The following CHRM3 variants were observed in gnomAD, a reference collection of about 807,000 sequenced individuals.
CHRM3 encodes the protein muscarinic acetylcholine receptor M3.
Under a neutral mutation model 41.8 loss-of-function variants are expected in CHRM3, and 11 were observed. The ratio of observed to expected loss-of-function variants is 0.26; its 90% CI spans 0.17 to 0.44. The LOEUF (loss-of-function observed/expected upper bound fraction) is 0.44. CHRM3 is among the 20% of genes least tolerant of loss of function. The pLI is 1.00. For synonymous variants in CHRM3, 297 were observed against 301.4 expected (o/e 0.99, Z 0.15); for missense variants, 571 against 745.4 (o/e 0.77, Z 2.72).
chr1:239,438,861 A>G (rs763899297), intron 1 of CHRM3, among the ~76,000 whole-genome samples: 12 of 152,242 alleles, frequency 7.9e-5, no homozygotes, highest in Non-Finnish European at 1.5e-4. Flanking sequence ...ACAAGCAAAA[A>G]GTTGCCCAAA....
At chr1:239,835,566 G>A (rs1055418541) in intron 6 of CHRM3, among the ~76,000 whole-genome samples, 20 of 152,220 alleles carry the variant, frequency 1.3e-4, no homozygotes, top group African/African-American at 4.8e-4. Context: ...GACTGATAAG[G>A]CTTGGTTTTC....
At chr1:239,539,098 G>A (rs557141727) in intron 2 of CHRM3, among the ~76,000 whole-genome samples, 4 of 152,278 alleles carry the variant, frequency 2.6e-5, no homozygotes, top group South Asian at 4.1e-4. Flanking sequence ...TTTGTCAGAT[G>A]TAAAACTCTG....
At chr1:239,637,965 A>G (rs1670672595) in intron 4 of CHRM3, among the ~76,000 whole-genome samples, 2 of 123,362 alleles carry the variant, frequency 1.6e-5, no homozygotes, top group Admixed American at 1.1e-4. Flanking sequence ...TCCTGTGTCC[A>G]CGTGTTCTCA....
chr1:239,637,721 T>TC (rs1670631925), intron 4 of CHRM3, among the ~76,000 whole-genome samples: 1 of 149,670 alleles, frequency 6.7e-6, no homozygotes, highest in African/African-American at 2.4e-5. Flanking sequence ...TTTTTTTTTT[T>TC]TTTGGGGAAT....
At chr1:239,688,828 A>G (rs1281339063) in intron 5 of CHRM3, among the ~76,000 whole-genome samples, 3 of 140,756 alleles carry the variant, frequency 2.1e-5, no homozygotes, top group Admixed American at 7.5e-5. Context: ...TATAATATAT[A>G]TTATATAATA....
At chr1:239,699,060 A>G (rs1660445653) in intron 5 of CHRM3, among the ~76,000 whole-genome samples, 1 of 152,208 alleles carries the variant, frequency 6.6e-6, no homozygotes, top group Non-Finnish European at 1.5e-5. Context: ...ACCACAGTTA[A>G]CATATTGGCA....
intron 1 of CHRM3, among the ~76,000 whole-genome samples, chr1:239,466,143 G>A (rs1403998786): frequency 1.3e-5 from 2 of 151,952 alleles, no homozygotes; most frequent in Non-Finnish European, 2.9e-5. Flanking sequence ...ACAGGCGCCC[G>A]CCACCACGCC....
intron 5 of CHRM3, among the ~76,000 whole-genome samples, chr1:239,754,351 A>G (rs1666070269): frequency 6.6e-6 from 1 of 152,202 alleles, no homozygotes; most frequent in African/African-American, 2.4e-5. Context: ...TTTAACCTGC[A>G]TGTTTTTGTT....
At chr1:239,686,860 C>T (rs1166435477) in intron 5 of CHRM3, among the ~76,000 whole-genome samples, 2 of 152,124 alleles carry the variant, frequency 1.3e-5, no homozygotes, top group African/African-American at 2.4e-5. Context: ...CTACTGACTG[C>T]CCCATTCACC....
chr1:239,780,264 C>A (rs1332786603), intron 5 of CHRM3, among the ~76,000 whole-genome samples: 1 of 152,198 alleles, frequency 6.6e-6, no homozygotes, highest in Non-Finnish European at 1.5e-5. Flanking sequence ...ATTAAAGTTC[C>A]TACTGCTCCA....
intron 6 of CHRM3, among the ~76,000 whole-genome samples, chr1:239,857,548 T>G (rs993720982): frequency 3.3e-5 from 5 of 152,154 alleles, no homozygotes; most frequent in Admixed American, 6.6e-5. Flanking sequence ...AAACATCTTT[T>G]TAAAGTTTAT....
chr1:239,750,608 A>T (rs1665729066), intron 5 of CHRM3, among the ~76,000 whole-genome samples: 4 of 152,208 alleles, frequency 2.6e-5, no homozygotes, highest in Admixed American at 2.6e-4. Flanking sequence ...ACAGATTGTA[A>T]CCTAGTCTTG....
intron 2 of CHRM3, among the ~76,000 whole-genome samples, chr1:239,531,133 G>C (rs1670374229): frequency 6.6e-6 from 1 of 151,888 alleles, no homozygotes; most frequent in Non-Finnish European, 1.5e-5. Context: ...TTGACAAGCT[G>C]ACCCAAAAAT....
At chr1:239,391,631 A>C (rs1268639664) in intron 1 of CHRM3, among the ~76,000 whole-genome samples, 3 of 152,156 alleles carry the variant, frequency 2.0e-5, no homozygotes, top group South Asian at 2.1e-4. Context: ...CTGCAGCTGC[A>C]GCTTGCCACA....
chr1:239,744,794 G>C (rs1226285307), intron 5 of CHRM3, among the ~76,000 whole-genome samples: 3 of 152,162 alleles, frequency 2.0e-5, no homozygotes, highest in Admixed American at 6.5e-5. Context: ...GAAGTCATTG[G>C]TCCCTACTGA....
At chr1:239,581,898 G>C (rs138435787) in intron 3 of CHRM3, among the ~76,000 whole-genome samples, 2 of 152,234 alleles carry the variant, frequency 1.3e-5, no homozygotes, top group Non-Finnish European at 2.9e-5. Context: ...CTGTAATATG[G>C]AGCAGAGCAA....
At chr1:239,388,501 T>C (rs1474259369) in intron 1 of CHRM3, among the ~76,000 whole-genome samples, 1 of 152,244 alleles carries the variant, frequency 6.6e-6, no homozygotes, top group Non-Finnish European at 1.5e-5. Context: ...GAGATCGTTA[T>C]ATCGCATGAA....
intron 5 of CHRM3, among the ~76,000 whole-genome samples, chr1:239,731,901 A>G (rs892888350): frequency 1.3e-5 from 2 of 152,002 alleles, no homozygotes; most frequent in African/African-American, 4.8e-5. Context: ...TGCATTTTAT[A>G]TTTTTAAATA....
intron 6 of CHRM3, among the ~76,000 whole-genome samples, chr1:239,892,003 CAAGA>C (rs1373758592): frequency 6.6e-6 from 1 of 152,146 alleles, no homozygotes; most frequent in Non-Finnish European, 1.5e-5. Context: ...TCCCTTTGAC[CAAGA>C]GATGGTCTGT....
Sources: gnomAD v4.1 joint callset for allele counts (sites outside exome capture counted in the v4.1 genomes callset) on GRCh38, gnomAD v4.1.1 for gene constraint, MANE v1.5 for transcripts, NCBI Gene and HGNC (gene_info 2026-07-23, HGNC 2026-07-21) for gene names.